The following LINGO2 variants were observed in gnomAD, a reference collection of about 807,000 sequenced individuals.
LINGO2 encodes the protein leucine-rich repeat and immunoglobulin-like domain-containing nogo receptor-interacting protein 2.
Under a neutral mutation model 30.6 loss-of-function variants are expected in LINGO2, and 14 were observed. That is an observed-to-expected ratio of 0.46 (90% CI 0.30 to 0.72). The LOEUF (loss-of-function observed/expected upper bound fraction) is 0.72. Among genes scored for constraint, LINGO2 ranks in the 30% least tolerant of loss-of-function variants. The pLI, the probability that LINGO2 is intolerant of heterozygous loss-of-function variation, is 0.07. For missense variants in LINGO2, 729 were observed against 751.7 expected (o/e 0.97, Z 0.35); for synonymous variants, 317 against 288.5 (o/e 1.10, Z -1.00).
At chr9:28,751,291 A>AC in the LINGO2 span, among the ~76,000 whole-genome samples, 5 of 136,130 alleles carry the variant, frequency 3.7e-5, no homozygotes, top group African/African-American at 1.7e-4. Context: ...ATCCAGTCAA[A>AC]AAAAAAAAAA....
the LINGO2 span, among the ~76,000 whole-genome samples, chr9:29,137,048 C>A: frequency 0.24 from 37,051 of 151,938 alleles, 4,695 homozygotes; most frequent in East Asian, 0.44. Context: ...CCCAGCCCCC[C>A]AAAAAATACA....
chr9:28,779,890 CCCT>C, the LINGO2 span, among the ~76,000 whole-genome samples: 1 of 152,124 alleles, frequency 6.6e-6, no homozygotes. Flanking sequence ...CTCTCTCCCT[CCCT>C]CCCTGCTTCT....
At chr9:28,419,370 A>AT (rs1438079439) in intron 2 of LINGO2, among the ~76,000 whole-genome samples, 1 of 152,034 alleles carries the variant, frequency 6.6e-6, no homozygotes, top group African/African-American at 2.4e-5. Flanking sequence ...ACATTATTTC[A>AT]TTTTTGCAAT....
the LINGO2 span, among the ~76,000 whole-genome samples, chr9:28,914,011 G>T: frequency 2.0e-5 from 3 of 151,990 alleles, no homozygotes; most frequent in Admixed American, 1.3e-4. Context: ...TTTTCTCATA[G>T]AAAAAATTTA....
the LINGO2 span, among the ~76,000 whole-genome samples, chr9:28,719,548 T>A: frequency 6.6e-6 from 1 of 152,076 alleles, no homozygotes; most frequent in African/African-American, 2.4e-5. Flanking sequence ...AGTCCCTCTT[T>A]GTTCAGACAC....
At chr9:28,700,679 T>G in the LINGO2 span, among the ~76,000 whole-genome samples, 1 of 152,106 alleles carries the variant, frequency 6.6e-6, no homozygotes, top group Admixed American at 6.6e-5. Context: ...AGAGCACAAC[T>G]GCTGGATTGT....
chr9:28,705,352 C>G, the LINGO2 span, among the ~76,000 whole-genome samples: 1 of 152,186 alleles, frequency 6.6e-6, no homozygotes, highest in South Asian at 2.1e-4. Flanking sequence ...TCTATAATCT[C>G]TGTCTTTTAG....
At chr9:28,143,257 G>A (rs1056915700) in intron 4 of LINGO2, among the ~76,000 whole-genome samples, 2 of 152,118 alleles carry the variant, frequency 1.3e-5, no homozygotes, top group African/African-American at 4.8e-5. Context: ...GTCTGAATTT[G>A]CTGCATTTAT....
chr9:28,868,815 A>G, the LINGO2 span, among the ~76,000 whole-genome samples: 73 of 152,184 alleles, frequency 4.8e-4, no homozygotes, highest in African/African-American at 1.6e-3. Context: ...TGCAACTGAA[A>G]ATTAAGCTTA....
intron 2 of LINGO2, among the ~76,000 whole-genome samples, chr9:28,435,519 T>G (rs1000980036): frequency 6.6e-6 from 1 of 152,192 alleles, no homozygotes; most frequent in Admixed American, 6.5e-5. Flanking sequence ...TGAGGTTTGA[T>G]GCCCAATTGT....
intron 4 of LINGO2, among the ~76,000 whole-genome samples, chr9:28,232,694 A>G (rs1182520054): frequency 6.6e-6 from 1 of 151,896 alleles, no homozygotes; most frequent in African/African-American, 2.4e-5. Context: ...TATTCTGTAC[A>G]GTAAGTCCCC....
At chr9:28,027,716 T>C (rs1427939648) in intron 4 of LINGO2, among the ~76,000 whole-genome samples, 1 of 152,212 alleles carries the variant, frequency 6.6e-6, no homozygotes, top group Non-Finnish European at 1.5e-5. Context: ...CGAGGTGGTA[T>C]ATAAAGTATT....
chr9:28,492,744 C>G (rs917198564), intron 1 of LINGO2, among the ~76,000 whole-genome samples: 12 of 151,938 alleles, frequency 7.9e-5, no homozygotes, highest in Admixed American at 3.3e-4. Flanking sequence ...TAAACACTGC[C>G]ATAATACAGT....
chr9:29,104,148 T>G, the LINGO2 span, among the ~76,000 whole-genome samples: 1 of 152,122 alleles, frequency 6.6e-6, no homozygotes, highest in African/African-American at 2.4e-5. Flanking sequence ...ACACCTGAAA[T>G]AACATACACT....
chr9:28,339,977 C>A (rs1825713357), intron 3 of LINGO2, among the ~76,000 whole-genome samples: 2 of 152,136 alleles, frequency 1.3e-5, no homozygotes, highest in African/African-American at 4.8e-5. Context: ...TGGCCACTTC[C>A]CCTCCATTAT....
At chr9:28,048,656 AAT>A (rs1023723010) in intron 4 of LINGO2, among the ~76,000 whole-genome samples, 1 of 150,864 alleles carries the variant, frequency 6.6e-6, no homozygotes, top group African/African-American at 2.5e-5. Context: ...TTCAACAAAC[AAT>A]ATATGCACAG....
At chr9:28,721,052 AC>A in the LINGO2 span, among the ~76,000 whole-genome samples, 4 of 152,140 alleles carry the variant, frequency 2.6e-5, no homozygotes, top group Non-Finnish European at 1.5e-5. Context: ...TATGTGGCCA[AC>A]AAACATATAT....
intron 2 of LINGO2, among the ~76,000 whole-genome samples, chr9:28,385,867 T>C (rs1452481682): frequency 6.6e-6 from 1 of 152,134 alleles, no homozygotes; most frequent in Non-Finnish European, 1.5e-5. Flanking sequence ...AGCTGGTATA[T>C]CCTTGGAAAC....
chr9:28,413,505 TCTCAGTAG>T (rs2134830164), intron 2 of LINGO2, among the ~76,000 whole-genome samples: 1 of 152,216 alleles, frequency 6.6e-6, no homozygotes, highest in South Asian at 2.1e-4. Flanking sequence ...AACTTCTCCC[TCTCAGTAG>T]CTCTGTGGTA....
Sources: gnomAD v4.1 joint callset for allele counts (sites outside exome capture counted in the v4.1 genomes callset) on GRCh38, gnomAD v4.1.1 for gene constraint, MANE v1.5 for transcripts, NCBI Gene and HGNC (gene_info 2026-07-23, HGNC 2026-07-21) for gene names.